TSHZ2: variants seen among roughly 807,000 people sequenced by gnomAD.
TSHZ2 encodes teashirt homolog 2.
A neutral mutation model predicts 74.4 loss-of-function variants in TSHZ2; 21 were observed. The ratio of observed to expected loss-of-function variants is 0.28; its 90% CI spans 0.20 to 0.41. The LOEUF (loss-of-function observed/expected upper bound fraction) is 0.41, where lower values mean the gene tolerates loss of function less well. TSHZ2 is among the 10% of genes least tolerant of loss of function. The pLI is 1.00. For missense variants in TSHZ2, 1,244 were observed against 1,293.5 expected (o/e 0.96, Z 0.59); for synonymous variants, 540 against 515.3 (o/e 1.05, Z -0.65).
At chr20:53,276,510 G>T (rs757859491) in intron 2 of TSHZ2, among the ~76,000 whole-genome samples, 1 of 152,204 alleles carries the variant, frequency 6.6e-6, no homozygotes, top group Admixed American at 6.5e-5. Flanking sequence ...CTACTCACTA[G>T]CAGTAAGAGC....
chr20:53,133,534 GGTCATGCAAGCAGGCAGCTC>G (rs1333537863), intron 1 of TSHZ2, among the ~76,000 whole-genome samples: 2 of 152,182 alleles, frequency 1.3e-5, no homozygotes, highest in Non-Finnish European at 2.9e-5. Flanking sequence ...CAGAAAGTGA[GGTCATGCAAGCAGGCAGCTC>G]GTCATATTCT....
chr20:53,243,818 C>T (rs905517862), intron 1 of TSHZ2, among the ~76,000 whole-genome samples: 1 of 132,046 alleles, frequency 7.6e-6, no homozygotes, highest in African/African-American at 2.5e-5. Context: ...TGCTTGCTTG[C>T]TTGCTTTTTT....
chr20:53,046,941 C>CT (rs1038141011), intron 1 of TSHZ2, among the ~76,000 whole-genome samples: 17 of 152,274 alleles, frequency 1.1e-4, no homozygotes, highest in African/African-American at 4.1e-4. Context: ...TTAACCATCC[C>CT]TGTGTATCGC....
At chr20:53,331,450 G>A (rs1009928351) in intron 2 of TSHZ2, among the ~76,000 whole-genome samples, 11 of 152,216 alleles carry the variant, frequency 7.2e-5, no homozygotes, top group Admixed American at 7.2e-4. Context: ...CCGGGCCAGG[G>A]GGAACCAAAA....
At chr20:53,145,060 A>G (rs1207699070) in intron 1 of TSHZ2, among the ~76,000 whole-genome samples, 2 of 152,348 alleles carry the variant, frequency 1.3e-5, no homozygotes, top group Admixed American at 1.3e-4. Flanking sequence ...AATGTATTCA[A>G]CTAAAATTGG....
chr20:53,316,236 A>G lies in TSHZ2; in HGVS notation c.*8+59665A>G, dbSNP rs192717190. Reference sequence around the variant, plus strand: ...GGCACAAACGGAAATCTCACTCATCACTTGGTTCATTGTTGTTGAGCTTGT... The same window carrying G: ...GGCACAAACGGAAATCTCACTCATCGCTTGGTTCATTGTTGTTGAGCTTGT... On this transcript the variant is annotated intron_variant, in intron 2 of 2. Coordinates refer to ENST00000371497, the MANE Select transcript of TSHZ2 (RefSeq NM_173485.6). 7.5e-4 allele frequency among the ~76,000 whole-genome samples: 114 copies of G among 152,340 alleles called. 1 individual carries two copies. Among genetic ancestry groups the G allele is most frequent in the African/African-American group, 2.4e-3 (101 of 41,580 alleles).
intron 1 of TSHZ2, among the ~76,000 whole-genome samples, chr20:53,237,522 T>TGC (rs1295455024): frequency 6.6e-6 from 1 of 151,784 alleles, no homozygotes; most frequent in Non-Finnish European, 1.5e-5. Flanking sequence ...TGTGTGTGTG[T>TGC]GTGTGCGCGT....
chr20:53,207,282 A>G lies in TSHZ2; in HGVS notation c.41-46217A>G, dbSNP rs1048634555. On this transcript the variant is annotated intron_variant, in intron 1 of 2. Transcript: ENST00000371497. ...AGGGCTGAGAAATCCACGAGCACCA[A>G]TAATGAGATCAGAGAAATCACAGAG... 1.1e-4 allele frequency among the ~76,000 whole-genome samples: 17 copies of G among 152,336 alleles called. 1 individual carries two copies. Among genetic ancestry groups the G allele is most frequent in the Admixed American group, 7.2e-4 (11 of 15,298 alleles).
chr20:53,055,486 A>C lies in TSHZ2; in HGVS notation c.40+82153A>C, dbSNP rs1019437753. The stretch of plus-strand genomic sequence containing the variant: ...AAAAGTGGTGTGGGATTTTATATTT[A>C]TGGACATGTTATTGTAATCCTGCTG... On this transcript the variant is annotated intron_variant, in intron 1 of 2. Coordinates refer to ENST00000371497, the MANE Select transcript of TSHZ2 (RefSeq NM_173485.6). Among the ~76,000 whole-genome samples, 3 of 152,352 alleles carry C rather than the reference A, an allele frequency of 2.0e-5. No individual in the cohort carries two copies. In the East Asian group the frequency reaches 5.8e-4, roughly 29 times the overall value.
chr20:53,007,668 C>T (rs1027887455), intron 1 of TSHZ2, among the ~76,000 whole-genome samples: 10 of 148,186 alleles, frequency 6.7e-5, no homozygotes, highest in East Asian at 4.0e-4. Context: ...TATACTCATG[C>T]GTGTATGTAT....
At chr20:53,344,015 C>T (rs1980331545) in intron 2 of TSHZ2, among the ~76,000 whole-genome samples, 2 of 152,180 alleles carry the variant, frequency 1.3e-5, no homozygotes, top group Admixed American at 1.3e-4. Context: ...CAGAGGGTCC[C>T]AGTCCCCTGT....
intron 1 of TSHZ2, among the ~76,000 whole-genome samples, chr20:53,009,290 A>G (rs888732269): frequency 2.0e-5 from 3 of 152,146 alleles, no homozygotes; most frequent in African/African-American, 7.2e-5. Flanking sequence ...GTGAGCCGTG[A>G]TCCTGCCACT....
intron 2 of TSHZ2, among the ~76,000 whole-genome samples, chr20:53,307,927 C>T (rs548807333): frequency 3.3e-5 from 5 of 152,234 alleles, no homozygotes; most frequent in Middle Eastern, 3.4e-3. Context: ...CCTCTGTAGC[C>T]AGAGAGGATG....
At chr20:53,165,702 G>C (rs936490220) in intron 1 of TSHZ2, among the ~76,000 whole-genome samples, 10 of 152,226 alleles carry the variant, frequency 6.6e-5, no homozygotes, top group African/African-American at 2.4e-4. Flanking sequence ...AGTGGAAGCT[G>C]CCTAGTTAAG....
At chr20:53,261,659 T>C (rs1332237616) in intron 2 of TSHZ2, among the ~76,000 whole-genome samples, 3 of 152,204 alleles carry the variant, frequency 2.0e-5, no homozygotes, top group African/African-American at 7.2e-5. Context: ...TTTTGAATGC[T>C]CAATCCTGAC....
At chr20:53,293,361 G>C (rs752192720) in intron 2 of TSHZ2, among the ~76,000 whole-genome samples, 10 of 152,172 alleles carry the variant, frequency 6.6e-5, no homozygotes, top group Non-Finnish European at 1.5e-4. Flanking sequence ...CACTCGGGAG[G>C]CTGAGGCACG....
At chr20:53,338,767 T>A (rs190195802) in intron 2 of TSHZ2, among the ~76,000 whole-genome samples, 3 of 152,248 alleles carry the variant, frequency 2.0e-5, no homozygotes, top group Admixed American at 2.0e-4. Context: ...CAGCTCCAAA[T>A]GTCAGGAGTA....
At chr20:53,039,459 A>G (rs969831653) in intron 1 of TSHZ2, among the ~76,000 whole-genome samples, 1 of 152,158 alleles carries the variant, frequency 6.6e-6, no homozygotes, top group African/African-American at 2.4e-5. Context: ...AAATTGAACA[A>G]ATATTTATAG....
At chr20:53,258,625 A>G (rs534057521) in intron 2 of TSHZ2, among the ~76,000 whole-genome samples, 1 of 152,338 alleles carries the variant, frequency 6.6e-6, no homozygotes, top group East Asian at 1.9e-4. Flanking sequence ...AGTGTATGAT[A>G]CCTGTTCTAG....
Sources: allele counts gnomAD v4.1 joint callset (sites outside exome capture counted in the v4.1 genomes callset), GRCh38; gene constraint gnomAD v4.1.1; transcripts MANE v1.5; gene names NCBI Gene and HGNC (gene_info 2026-07-23, HGNC 2026-07-21).